LEP: variants seen among roughly 807,000 people sequenced by gnomAD.
The protein encoded by LEP is leptin.
A neutral mutation model predicts 9.8 loss-of-function variants in LEP; 6 were observed. The ratio of observed to expected loss-of-function variants is 0.61; its 90% CI spans 0.34 to 1.21. The LOEUF (loss-of-function observed/expected upper bound fraction) is 1.21, where lower values mean the gene tolerates loss of function less well. LEP is among the 50% of genes most tolerant of loss of function. The pLI, the probability that LEP is intolerant of heterozygous loss-of-function variation, is 0.04. For missense variants in LEP, 134 were observed against 198.1 expected, an observed-to-expected ratio of 0.68 and a Z score of 1.94; for synonymous variants, 112 against 81.7, an observed-to-expected ratio of 1.37 and a Z score of -2.00.
In LEP at chr7:128,254,415, C is replaced by T. The variant is rs1221946497; in HGVS notation, c.156C>T (p.Ser52=). The stretch of plus-strand genomic sequence containing the variant: ...TTCCTCCTGCATAGCAGTCAGTCTC[C>T]TCCAAACAGAAAGTCACCGGTTTGG... ...INDISHTQSV[S]SKQKVTGLDF... The change falls in exon 3 of 3, where the codon TCC becomes TCT. Residue 52 remains serine, a synonymous_variant. Transcript: ENST00000308868. 6.2e-7 allele frequency: 1 copy of T among 1,613,482 alleles called. No individual in the cohort carries two copies. The highest frequency in any genetic ancestry group is 8.5e-7 in the Non-Finnish European group (1 of 1,180,024).
chr7:128,249,420 C>T (rs1795249596), intron 1 of LEP, among the ~76,000 whole-genome samples: 1 of 152,130 alleles, frequency 6.6e-6, no homozygotes, highest in African/African-American at 2.4e-5. Context: ...ATGTTGGCTA[C>T]CATATCTATA....
chr7:128,246,672 A>C, intron 1 of LEP, among the ~76,000 whole-genome samples: 1 of 151,710 alleles, frequency 6.6e-6, no homozygotes, highest in Non-Finnish European at 1.5e-5. Flanking sequence ...TGTGTCGCCC[A>C]GGCTGGTCTT....
chr7:128,242,636 C>T (rs1198203377), intron 1 of LEP, among the ~76,000 whole-genome samples: 5 of 152,196 alleles, frequency 3.3e-5, no homozygotes, highest in African/African-American at 7.2e-5. Flanking sequence ...GCTAAAGGAG[C>T]GTCCTCCTCA....
At chr7:128,248,300 C>A (rs1436133202) in intron 1 of LEP, among the ~76,000 whole-genome samples, 1 of 152,110 alleles carries the variant, frequency 6.6e-6, no homozygotes, top group African/African-American at 2.4e-5. Context: ...GGCATGGTGG[C>A]AGGCACCTGT....
At chr7:128,245,024 C>T (rs1430675853) in intron 1 of LEP, among the ~76,000 whole-genome samples, 1 of 152,062 alleles carries the variant, frequency 6.6e-6, no homozygotes, top group Non-Finnish European at 1.5e-5. Context: ...GCAAACATAG[C>T]CATCAAGGGT....
At chr7:128,253,756 G>C (rs1795302277) in intron 2 of LEP, among the ~76,000 whole-genome samples, 1 of 152,218 alleles carries the variant, frequency 6.6e-6, no homozygotes, top group Non-Finnish European at 1.5e-5. Flanking sequence ...AAAAAAATTA[G>C]CTGGGCATAT....
intron 1 of LEP, among the ~76,000 whole-genome samples, chr7:128,243,685 A>G (rs915755312): frequency 6.6e-6 from 1 of 152,184 alleles, no homozygotes; most frequent in African/African-American, 2.4e-5. Context: ...GCTGGGCCAA[A>G]GTGAATTCTA....
At chr7:128,246,095 TA>T (rs988786637) in intron 1 of LEP, among the ~76,000 whole-genome samples, 2 of 150,864 alleles carry the variant, frequency 1.3e-5, no homozygotes, top group African/African-American at 4.9e-5. Context: ...AATAAAAAAA[TA>T]AAAAAAATAA....
chr7:128,255,026 C>T lies in LEP; in HGVS notation c.*263C>T. On this transcript the variant is annotated 3_prime_UTR_variant, in exon 3 of 3. Coordinates refer to ENST00000308868, the MANE Select transcript of LEP (RefSeq NM_000230.3). ...GAGTGGGCTGCATCTGGGATTCCCA[C>T]CAAGGTCTTCAGCCATCAACAAGAG... 8.0e-6 allele frequency: 4 copies of T among 497,388 alleles called. No homozygotes were observed. The South Asian group carries it at 8.2e-5, about 10-fold the overall frequency. 30.8% of individuals were successfully genotyped at this position (497,388 alleles called of 1,614,324 possible). A position where few individuals can be genotyped will look rare whatever the true frequency, so the allele number is the denominator to read the frequency against.
intron 1 of LEP, among the ~76,000 whole-genome samples, chr7:128,249,159 C>T (rs1795246595): frequency 6.6e-6 from 1 of 152,208 alleles, no homozygotes; most frequent in South Asian, 2.1e-4. Context: ...ACTTAATGCC[C>T]ACTCTTTTCT....
At chr7:128,249,509 G>A (rs1030283124) in intron 1 of LEP, among the ~76,000 whole-genome samples, 1 of 152,214 alleles carries the variant, frequency 6.6e-6, no homozygotes, top group Non-Finnish European at 1.5e-5. Context: ...GCTGGCACAG[G>A]ACACTTCTGC....
intron 1 of LEP, among the ~76,000 whole-genome samples, chr7:128,247,432 G>A (rs1795224764): frequency 6.6e-6 from 1 of 152,168 alleles, no homozygotes; most frequent in South Asian, 2.1e-4. Context: ...CAGCCAGGCT[G>A]AAAACATTTG....
intron 1 of LEP, among the ~76,000 whole-genome samples, chr7:128,244,313 CTG>C (rs1795186108): frequency 6.6e-6 from 1 of 151,968 alleles, no homozygotes; most frequent in Non-Finnish European, 1.5e-5. Flanking sequence ...AGAAACCTAT[CTG>C]TATCTCTGAT....
intron 1 of LEP, among the ~76,000 whole-genome samples, chr7:128,245,607 C>T (rs1375147645): frequency 6.6e-6 from 1 of 152,226 alleles, no homozygotes; most frequent in Non-Finnish European, 1.5e-5. Flanking sequence ...AGGACTCAGA[C>T]TAGCTAAAGC....
chr7:128,253,108 G>A (rs180968923), intron 2 of LEP, among the ~76,000 whole-genome samples: 3 of 152,118 alleles, frequency 2.0e-5, no homozygotes, highest in African/African-American at 4.8e-5. Context: ...TAGTGCCTAC[G>A]ACCAGAGGGA....
intron 2 of LEP, among the ~76,000 whole-genome samples, chr7:128,253,157 C>T (rs1057243935): frequency 1.3e-5 from 2 of 152,272 alleles, no homozygotes; most frequent in East Asian, 3.9e-4. Context: ...AGGAACAAGA[C>T]CCCCAGAAGC....
intron 1 of LEP, among the ~76,000 whole-genome samples, chr7:128,246,725 A>T (rs895624237): frequency 2.6e-5 from 4 of 152,024 alleles, no homozygotes; most frequent in African/African-American, 9.7e-5. Flanking sequence ...GGCCTCCCAA[A>T]GCCCTGGGAT....
At chr7:128,246,068 CAA>C (rs571287629) in intron 1 of LEP, among the ~76,000 whole-genome samples, 2 of 142,642 alleles carry the variant, frequency 1.4e-5, no homozygotes, top group African/African-American at 2.6e-5. Context: ...AAGACTCCGT[CAA>C]AAAAAAAATA....
chr7:128,246,367 G>A (rs1795211227), intron 1 of LEP, among the ~76,000 whole-genome samples: 1 of 152,210 alleles, frequency 6.6e-6, no homozygotes, highest in Non-Finnish European at 1.5e-5. Context: ...CCAGGTGGAG[G>A]TAGACAGCAG....
Sources: allele counts gnomAD v4.1 joint callset (sites outside exome capture counted in the v4.1 genomes callset), GRCh38; gene constraint gnomAD v4.1.1; transcripts MANE v1.5; gene names NCBI Gene and HGNC (gene_info 2026-07-23, HGNC 2026-07-21).